Variants in NSD1 observed in about 807,000 individuals in gnomAD.
NSD1 encodes histone-lysine N-methyltransferase, H3 lysine-36 specific.
In NSD1, 26 loss-of-function variants were observed where a neutral mutation model predicts 242.7. That is an observed-to-expected ratio of 0.11 (90% confidence interval 0.08 to 0.15). The LOEUF (loss-of-function observed/expected upper bound fraction) is 0.15. Ranked by LOEUF, NSD1 falls within the 10% of genes least tolerant of loss-of-function variation. The probability of loss-of-function intolerance (pLI) is 1.00; values close to 1 mark genes in which losing one functional copy is unlikely to be tolerated. For missense variants in NSD1, 2,495 were observed against 3,272.8 expected, an observed-to-expected ratio of 0.76 and a Z score of 5.80; for synonymous variants, 1,106 against 1,178.1, an observed-to-expected ratio of 0.94 and a Z score of 1.25.
chr5:177,264,028 A>ATGTTTTTTTTTTTTTTTTTTT (rs1757204335), intron 14 of NSD1, among the ~76,000 whole-genome samples: 1 of 76,394 alleles, frequency 1.3e-5, no homozygotes, highest in Non-Finnish European at 2.5e-5. Context: ...CAATGAACCA[A>ATGTTTTTTTTTTTTTTTTTTT]TTTTTTTTTT....
intron 3 of NSD1, among the ~76,000 whole-genome samples, chr5:177,193,570 C>T (rs1292571179): frequency 6.6e-6 from 1 of 152,036 alleles, no homozygotes; most frequent in Non-Finnish European, 1.5e-5. Context: ...AGCCACTGCA[C>T]CTGGCCTGAA....
Position 177,210,628 on chromosome 5 carries a change from G to C in NSD1, c.2229G>C (p.Gln743His), listed in dbSNP as rs1389600742. The C allele has an allele frequency of 1.2e-6, 2 of 1,614,072 alleles. No individual in the cohort carries two copies. Among genetic ancestry groups the C allele is most frequent in the Non-Finnish European group, 1.7e-6 (2 of 1,180,018 alleles). Residue 743 changes from glutamine (Q) to histidine (H), a missense_variant, in exon 5 of 23, where the codon CAG becomes CAC. Coordinates refer to ENST00000439151, the MANE Select transcript of NSD1 (RefSeq NM_022455.5). ...CATCTACTCTTGTTCACAAACCCCA[G>C]TCAGATTTTACAAATGATGCTCTCT... Reference protein sequence around the residue: ...LKASTLVHKPQSDFTNDALSP... With the variant: ...LKASTLVHKPHSDFTNDALSP...
chr5:177,228,946 T>A lies in NSD1; in HGVS notation c.3797-6875T>A, dbSNP rs1764842908. Among the ~76,000 whole-genome samples the A allele has an allele frequency of 2.0e-5, 3 of 152,232 alleles. No individual in the cohort carries two copies. The South Asian group carries it at 6.2e-4, about 31-fold the overall frequency. On this transcript the variant is annotated intron_variant, in intron 5 of 22. Transcript: ENST00000439151. ...TCTGTATATAGTTAATCCCTCTTCC[T>A]ACCACTAGTCCTAGAGAACCAATAG... is the stretch of plus-strand genomic sequence containing the variant.
At position 177,152,120 on chromosome 5, in the gene NSD1, A is replaced by G. The variant is rs570599545; in HGVS notation, c.927+16090A>G. Among the ~76,000 whole-genome samples the G allele has an allele frequency of 2.6e-5, 4 of 152,182 alleles. No individual in the cohort carries two copies. The East Asian group carries it at 7.7e-4, about 29-fold the overall frequency. On this transcript the variant is annotated intron_variant, in intron 2 of 22. Transcript: ENST00000439151. ...CATGATCCGCCTGCCTTGGCCTCCC[A>G]AAGTGCTGGGATTACAGGTGTGAGC...
intron 2 of NSD1, among the ~76,000 whole-genome samples, chr5:177,169,941 A>C (rs1581192176): frequency 8.7e-6 from 1 of 115,270 alleles, no homozygotes; most frequent in Non-Finnish European, 1.9e-5. Flanking sequence ...TGAGGTTATC[A>C]TGTGTTATTT....
chr5:177,289,818 G>A (rs76640299), intron 21 of NSD1, among the ~76,000 whole-genome samples: 1 of 148,466 alleles, frequency 6.7e-6, no homozygotes, highest in Non-Finnish European at 1.5e-5. Context: ...TATTTTTTTT[G>A]TTGTTGTTGT....
Position 177,204,213 on chromosome 5 carries a change from T to G in NSD1, c.1157T>G (p.Phe386Cys). 1 of 1,614,166 alleles carries G rather than the reference T, an allele frequency of 6.2e-7. No homozygotes were observed. Among genetic ancestry groups the G allele is most frequent in the Non-Finnish European group, 8.5e-7 (1 of 1,180,010 alleles). The change falls in exon 4 of 23, where the codon TTT becomes TGT. Residue 386 changes from phenylalanine to cysteine, a missense_variant. Phe to Cys is a radical substitution (Grantham distance 205). This residue lies in a region of NSD1 where 65 missense variants were observed against 136.2 expected (regional missense o/e 0.48). Coordinates refer to ENST00000439151, the MANE Select transcript of NSD1 (RefSeq NM_022455.5). ...AWVAGKAIVMFEGRHQFEELP... is the reference protein window; with the variant it reads ...AWVAGKAIVMCEGRHQFEELP... ...GTGGCTGGAAAAGCAATCGTCATGT[T>G]TGAAGGCAGACATCAATTCGAAGAG...
At chr5:177,159,140 T>C (rs2149787106) in intron 2 of NSD1, among the ~76,000 whole-genome samples, 1 of 150,340 alleles carries the variant, frequency 6.7e-6, no homozygotes, top group South Asian at 2.1e-4. Flanking sequence ...CCTCCGGGGT[T>C]CAAGTGATTC....
intron 2 of NSD1, among the ~76,000 whole-genome samples, chr5:177,165,446 C>A (rs1416159363): frequency 1.3e-5 from 2 of 152,172 alleles, no homozygotes; most frequent in African/African-American, 4.8e-5. Flanking sequence ...GCCACCGTGC[C>A]TGTCCCCTTA....
Position 177,136,126 on chromosome 5 carries a change from A to G in NSD1, c.927+96A>G, listed in dbSNP as rs748970297. 3.7e-6 allele frequency: 4 copies of G among 1,071,272 alleles called. No homozygotes were observed. In the Admixed American group the frequency reaches 5.9e-5, roughly 16 times the overall value. The allele number at this position is 1,071,272 out of a possible 1,614,324, so 66.4% of individuals were successfully genotyped here. ...GTAACAAATTTGTTTTTGGTTGCTT[A>G]TCAGTTCACAGCTGAAATCCTATTG... On this transcript the variant is annotated intron_variant, in intron 2 of 22. Coordinates refer to ENST00000439151, the MANE Select transcript of NSD1 (RefSeq NM_022455.5).
intron 22 of NSD1, 152 bp from the exon 23 acceptor site, chr5:177,293,680 C>T (rs1760036193): frequency 4.0e-6 from 3 of 749,222 alleles, no homozygotes; most frequent in Non-Finnish European, 6.6e-6. Context: ...AATTCTGGGG[C>T]AAGAGGTGGC....
chr5:177,286,723 T>C (rs976807742), intron 20 of NSD1, among the ~76,000 whole-genome samples: 5 of 152,256 alleles, frequency 3.3e-5, no homozygotes, highest in African/African-American at 4.8e-5. Context: ...GATTTAGTTC[T>C]ACTATGTCTG....
chr5:177,177,695 T>A (rs1181597635), intron 2 of NSD1, among the ~76,000 whole-genome samples: 1 of 152,110 alleles, frequency 6.6e-6, no homozygotes, highest in Non-Finnish European at 1.5e-5. Context: ...TGTTCACAAT[T>A]ATATGTGTGA....
At chr5:177,171,980 C>T (rs753075191) in intron 2 of NSD1, among the ~76,000 whole-genome samples, 3 of 152,204 alleles carry the variant, frequency 2.0e-5, no homozygotes, top group Non-Finnish European at 2.9e-5. Flanking sequence ...AGCAGAATAG[C>T]TGGGTCACAT....
At chr5:177,288,351 C>T (rs1251533261) in intron 20 of NSD1, among the ~76,000 whole-genome samples, 1 of 152,204 alleles carries the variant, frequency 6.6e-6, no homozygotes, top group Non-Finnish European at 1.5e-5. Flanking sequence ...GGATCTACAA[C>T]CAGTCTGTAA....
In NSD1 at chr5:177,188,666, A is replaced by T. The variant is rs78047511; in HGVS notation, c.928-3218A>T. Among the ~76,000 whole-genome samples the T allele has an allele frequency of 5.1e-3, 770 of 152,224 alleles. 5 individuals are homozygous for T. The highest frequency in any genetic ancestry group is 0.017 in the African/African-American group (724 of 41,532). ...TATGACATCTTAGCATATTTCATAG[A>T]GTTGTAATAGCATAATTTTTTTTGG... On this transcript the variant is annotated intron_variant, in intron 2 of 22. Transcript: ENST00000439151.
chr5:177,167,026 G>A (rs955329413), intron 2 of NSD1, among the ~76,000 whole-genome samples: 4 of 151,858 alleles, frequency 2.6e-5, no homozygotes, highest in Admixed American at 6.6e-5. Context: ...GATTACAGGT[G>A]TGAGCTACTG....
intron 7 of NSD1, among the ~76,000 whole-genome samples, chr5:177,239,227 AT>A (rs1296649803): frequency 1.3e-5 from 2 of 152,222 alleles, no homozygotes; most frequent in Non-Finnish European, 2.9e-5. Flanking sequence ...GTTGGGTATA[AT>A]AAAAAAGATT....
intron 5 of NSD1, among the ~76,000 whole-genome samples, chr5:177,228,027 T>C (rs1165275645): frequency 1.3e-5 from 2 of 151,960 alleles, no homozygotes; most frequent in Non-Finnish European, 2.9e-5. Context: ...TCAGGCTGCA[T>C]TGCGCTGTAT....
Sources: allele counts gnomAD v4.1 joint callset (sites outside exome capture counted in the v4.1 genomes callset), GRCh38; gene constraint gnomAD v4.1.1; regional missense constraint gnomAD v4.1.1; transcripts MANE v1.5; gene names NCBI Gene and HGNC (gene_info 2026-07-23, HGNC 2026-07-21).